Variants in CSMD3 observed in about 807,000 individuals in gnomAD.
CSMD3 encodes CUB and sushi domain-containing protein 3.
Under a neutral mutation model 435.2 loss-of-function variants are expected in CSMD3, and 177 were observed. That is an observed-to-expected ratio of 0.41 (90% CI 0.36 to 0.46). The LOEUF is 0.46. Among genes scored for constraint, CSMD3 ranks in the 20% least tolerant of loss-of-function variants. CSMD3 has a pLI of 0.34. For missense variants in CSMD3, 4,265 were observed against 4,504.6 expected, an observed-to-expected ratio of 0.95 and a Z score of 1.52; for synonymous variants, 1,656 against 1,520.5, an observed-to-expected ratio of 1.09 and a Z score of -2.07.
chr8:113,233,262 A>C (rs916565046), intron 3 of CSMD3, among the ~76,000 whole-genome samples: 5 of 151,472 alleles, frequency 3.3e-5, no homozygotes, highest in African/African-American at 1.2e-4. Context: ...ATTTGGGCTT[A>C]TATATCTCTG....
At chr8:112,765,055 G>A (rs182625244) in intron 13 of CSMD3, among the ~76,000 whole-genome samples, 1 of 151,652 alleles carries the variant, frequency 6.6e-6, no homozygotes, top group Non-Finnish European at 1.5e-5. Context: ...GGTGGACAGC[G>A]TCATAAGATC....
At chr8:112,616,198 T>C (rs1348174069) in intron 22 of CSMD3, among the ~76,000 whole-genome samples, 1 of 152,122 alleles carries the variant, frequency 6.6e-6, no homozygotes, top group Non-Finnish European at 1.5e-5. Context: ...GTGGTTGCTG[T>C]GTAGATTAAA....
Position 112,287,061 on chromosome 8 carries a change from T to A in CSMD3, c.9331+3A>T. 1.9e-6 allele frequency: 3 copies of A among 1,612,214 alleles called. No homozygotes were observed. Among genetic ancestry groups the A allele is most frequent in the Non-Finnish European group, 2.5e-6 (3 of 1,178,452 alleles). ...AATATATTTAATTTCTGCTTGAGAT[T>A]ACCTTTGCACTCTGGCTGCCTTCCG... On this transcript the variant is annotated splice_donor_region_variant and intron_variant, in intron 58 of 70. Transcript: ENST00000297405.
intron 13 of CSMD3, among the ~76,000 whole-genome samples, chr8:112,756,569 A>C (rs1022631277): frequency 6.6e-6 from 1 of 152,208 alleles, no homozygotes; most frequent in Non-Finnish European, 1.5e-5. Context: ...AAAAATTCCC[A>C]AGAATATAAT....
intron 15 of CSMD3, among the ~76,000 whole-genome samples, chr8:112,684,864 T>C (rs2075977322): frequency 6.6e-6 from 1 of 152,168 alleles, no homozygotes; most frequent in Non-Finnish European, 1.5e-5. Context: ...GTGGTTTCAC[T>C]AATGTGAGTA....
intron 1 of CSMD3, among the ~76,000 whole-genome samples, chr8:113,362,714 TA>T (rs1202571695): frequency 1.3e-5 from 2 of 152,158 alleles, no homozygotes; most frequent in African/African-American, 4.8e-5. Flanking sequence ...TGGTAAAAGA[TA>T]ACTGTCCCCA....
chr8:112,302,956 T>G (rs1419519793), intron 52 of CSMD3, among the ~76,000 whole-genome samples: 2 of 151,922 alleles, frequency 1.3e-5, no homozygotes, highest in East Asian at 3.9e-4. Flanking sequence ...TTTTCTCAAT[T>G]AATTGCAATT....
rs12682018 is a variant in CSMD3 at position 112,524,318 on chromosome 8, G to A, written c.4565-7093C>T. ...TTGAAATAGAATTCTAGTATATGGG[G>A]ATGACCAGTATTAGTAAGTAAAAAA... On this transcript the variant is annotated intron_variant, in intron 27 of 70. Coordinates refer to ENST00000297405, the MANE Select transcript of CSMD3 (RefSeq NM_198123.2). Among the ~76,000 whole-genome samples, 44 of 151,418 alleles carry A rather than the reference G, an allele frequency of 2.9e-4. No individual in the cohort carries two copies. In the East Asian group the frequency reaches 8.5e-3, roughly 29 times the overall value.
intron 32 of CSMD3, among the ~76,000 whole-genome samples, chr8:112,469,160 C>CAAA (rs71309771): frequency 4.7e-4 from 43 of 91,580 alleles, no homozygotes; most frequent in African/African-American, 1.3e-3. Flanking sequence ...CTACACCAGG[C>CAAA]AAAAAAAAAA....
At chr8:113,071,769 TG>T (rs1185312659) in intron 5 of CSMD3, among the ~76,000 whole-genome samples, 5 of 152,056 alleles carry the variant, frequency 3.3e-5, no homozygotes, top group Middle Eastern at 3.4e-3. Flanking sequence ...TTGTTCAAAT[TG>T]CTTTCAAACT....
intron 6 of CSMD3, among the ~76,000 whole-genome samples, chr8:112,980,864 C>T (rs1485012964): frequency 6.6e-6 from 1 of 151,410 alleles, no homozygotes; most frequent in African/African-American, 2.4e-5. Context: ...TAGTATTCAA[C>T]AGTTCAAACT....
chr8:112,831,324 CTT>C (rs55658194), intron 11 of CSMD3, among the ~76,000 whole-genome samples: 121 of 140,626 alleles, frequency 8.6e-4, no homozygotes, highest in Admixed American at 1.5e-3. Context: ...CATTTTCTTT[CTT>C]TTTTTTTTTT....
chr8:112,515,930 C>T (rs1823626726), intron 28 of CSMD3, among the ~76,000 whole-genome samples: 1 of 151,698 alleles, frequency 6.6e-6, no homozygotes, highest in African/African-American at 2.4e-5. Context: ...TGCTAATTTC[C>T]CACTGTTTAG....
intron 9 of CSMD3, among the ~76,000 whole-genome samples, chr8:112,943,655 CT>C (rs2083518218): frequency 6.6e-6 from 1 of 151,606 alleles, no homozygotes; most frequent in Admixed American, 6.6e-5. Flanking sequence ...CCTTTACAAC[CT>C]TTCCATTTTT....
rs375105698 is a variant in CSMD3 at position 112,491,867 on chromosome 8, A to T, written c.5278+622T>A. Among the ~76,000 whole-genome samples the T allele has an allele frequency of 2.6e-5, 4 of 152,200 alleles. No individual in the cohort carries two copies. In the East Asian group the frequency reaches 5.8e-4, roughly 22 times the overall value. ...ATCACTTCTGTGTTAATTTTTGTACAATGCACTAGGATCATTCAATGGATT... is the reference window on the plus strand; with the variant it reads ...ATCACTTCTGTGTTAATTTTTGTACTATGCACTAGGATCATTCAATGGATT... On this transcript the variant is annotated intron_variant, in intron 31 of 70. Transcript: ENST00000297405.
At chr8:112,702,177 C>A (rs1015997468) in intron 13 of CSMD3, among the ~76,000 whole-genome samples, 1 of 152,102 alleles carries the variant, frequency 6.6e-6, no homozygotes, top group Non-Finnish European at 1.5e-5. Context: ...TGACACAGCC[C>A]TATGAGGACC....
intron 10 of CSMD3, among the ~76,000 whole-genome samples, chr8:112,872,985 A>T (rs577791499): frequency 6.6e-6 from 1 of 152,082 alleles, no homozygotes; most frequent in African/African-American, 2.4e-5. Context: ...AGCCAGACAA[A>T]AACCTCAGAC....
At chr8:112,687,922 C>T (rs1009941729) in intron 14 of CSMD3, among the ~76,000 whole-genome samples, 8 of 152,282 alleles carry the variant, frequency 5.3e-5, no homozygotes, top group Non-Finnish European at 8.8e-5. Context: ...CCTCTTCACA[C>T]TGTTTCCTGC....
At chr8:113,307,248 T>C (rs1359423998) in intron 2 of CSMD3, among the ~76,000 whole-genome samples, 1 of 152,162 alleles carries the variant, frequency 6.6e-6, no homozygotes, top group Non-Finnish European at 1.5e-5. Flanking sequence ...TGCTTTATTA[T>C]AATTGTGTCC....
Sources: allele counts gnomAD v4.1 joint callset (sites outside exome capture counted in the v4.1 genomes callset), GRCh38; gene constraint gnomAD v4.1.1; transcripts MANE v1.5; gene names NCBI Gene and HGNC (gene_info 2026-07-23, HGNC 2026-07-21).